The following BABAM2 variants were observed in gnomAD, a reference collection of about 807,000 sequenced individuals.
BABAM2 encodes the protein BRISC and BRCA1 A complex member 2.
A neutral mutation model predicts 54.7 loss-of-function variants in BABAM2; 31 were observed. The observed-to-expected ratio is 0.57, with a 90% CI of 0.43 to 0.77. The LOEUF is 0.77. Among genes scored for constraint, BABAM2 ranks in the 30% least tolerant of loss-of-function variants. The pLI, the probability that BABAM2 is intolerant of heterozygous loss-of-function variation, is 0.00. For missense variants in BABAM2, 364 were observed against 455.8 expected (o/e 0.80, Z 1.83); for synonymous variants, 167 against 162.9 (o/e 1.03, Z -0.19).
In BABAM2 at chr2:27,942,039, T is replaced by C. The variant is rs1373709561; in HGVS notation, c.205+12131T>C. On this transcript the variant is annotated intron_variant, in intron 3 of 11. Transcript: ENST00000379624. Reference sequence around the variant, plus strand: ...GTGCTTTGGCTGCTGCTTTTGTGTGTGTGTGTGCTTGTGTGTGTTTTAACA... The same window carrying C: ...GTGCTTTGGCTGCTGCTTTTGTGTGCGTGTGTGCTTGTGTGTGTTTTAACA... Among the ~76,000 whole-genome samples, 8 of 152,216 alleles carry C rather than the reference T, an allele frequency of 5.3e-5. No homozygotes were observed. The East Asian group carries it at 1.5e-3, about 29-fold the overall frequency.
chr2:28,260,411 C>T (rs1444831575), intron 10 of BABAM2, among the ~76,000 whole-genome samples: 1 of 146,258 alleles, frequency 6.8e-6, no homozygotes, highest in Non-Finnish European at 1.5e-5. Context: ...AGGTGATTCT[C>T]CTGCGTTAGC....
At chr2:28,171,386 G>T (rs1354925808) in intron 7 of BABAM2, among the ~76,000 whole-genome samples, 1 of 152,152 alleles carries the variant, frequency 6.6e-6, no homozygotes, top group Non-Finnish European at 1.5e-5. Flanking sequence ...GTTTTGGAAT[G>T]ATCTACTTTC....
At chr2:27,988,478 G>T (rs1340320259) in intron 4 of BABAM2, among the ~76,000 whole-genome samples, 1 of 152,078 alleles carries the variant, frequency 6.6e-6, no homozygotes, top group Non-Finnish European at 1.5e-5. Flanking sequence ...TCTTCAAGGA[G>T]CCGTTTTTAT....
At chr2:28,084,409 A>G (rs1665458634) in intron 6 of BABAM2, among the ~76,000 whole-genome samples, 1 of 152,208 alleles carries the variant, frequency 6.6e-6, no homozygotes, top group Non-Finnish European at 1.5e-5. Context: ...CAGTTATTAT[A>G]GAAGTGTATA....
chr2:28,109,184 CTTT>C (rs764380110), intron 6 of BABAM2, among the ~76,000 whole-genome samples: 14 of 101,904 alleles, frequency 1.4e-4, no homozygotes, highest in African/African-American at 4.4e-4. Context: ...GACACATACT[CTTT>C]TTTTTTTTTT....
intron 11 of BABAM2, among the ~76,000 whole-genome samples, chr2:28,332,763 G>A (rs1184602095): frequency 3.3e-5 from 5 of 152,218 alleles, no homozygotes; most frequent in Non-Finnish European, 2.9e-5. Flanking sequence ...AGGTTTGGGG[G>A]CAGAAGACAC....
At chr2:28,188,435 G>C (rs1240387263) in intron 7 of BABAM2, among the ~76,000 whole-genome samples, 2 of 152,162 alleles carry the variant, frequency 1.3e-5, no homozygotes, top group African/African-American at 4.8e-5. Context: ...TACTGAGAAG[G>C]GGATAGGGTC....
chr2:28,258,076 C>G (rs1684119615), intron 10 of BABAM2, among the ~76,000 whole-genome samples: 1 of 152,080 alleles, frequency 6.6e-6, no homozygotes, highest in Non-Finnish European at 1.5e-5. Flanking sequence ...ACTTGGGAGG[C>G]TGAGGCAGGA....
Position 28,325,732 on chromosome 2 carries a change from A to G in BABAM2, c.1089-12718A>G, listed in dbSNP as rs1690390806. ...CCCTCCCCCACATCCTCAAACACCC[A>G]GCCAGGGGGGTGAATGTCCCAGAGT... On this transcript the variant is annotated intron_variant, in intron 11 of 11. Transcript: ENST00000379624. This position sits in a 1 kb window ranked among gnomAD's most constrained non-coding sequence, Gnocchi z 4.3. Among the ~76,000 whole-genome samples, 1 of 152,202 alleles carries G rather than the reference A, an allele frequency of 6.6e-6. No homozygotes were observed. The highest frequency in any genetic ancestry group is 1.5e-5 in the Non-Finnish European group (1 of 68,030).
chr2:27,929,941 T>C, intron 3 of BABAM2, 33 bp downstream of exon 3: 1 of 1,570,294 alleles, frequency 6.4e-7, no homozygotes, highest in South Asian at 1.1e-5. Context: ...ACTCAAAATG[T>C]AGGTTACAGT....
chr2:28,328,931 G>A (rs1219742680), intron 11 of BABAM2, among the ~76,000 whole-genome samples: 2 of 152,146 alleles, frequency 1.3e-5, no homozygotes, highest in Non-Finnish European at 2.9e-5. Context: ...TATTGATTCA[G>A]TTTGTCAGAC....
chr2:28,215,425 T>C (rs1034398364), intron 7 of BABAM2, among the ~76,000 whole-genome samples: 36 of 152,342 alleles, frequency 2.4e-4, no homozygotes, highest in Non-Finnish European at 2.8e-4. Flanking sequence ...TTAGCTGTTG[T>C]TGATGCAGCA....
At chr2:28,287,129 A>G (rs1191097130) in intron 10 of BABAM2, among the ~76,000 whole-genome samples, 1 of 152,192 alleles carries the variant, frequency 6.6e-6, no homozygotes. Flanking sequence ...TTTTTCTTCT[A>G]ATCATTTACA....
In BABAM2 at chr2:28,304,724, C is replaced by T. The variant is rs1034310508; in HGVS notation, c.1088+6233C>T. Among the ~76,000 whole-genome samples, 3 of 152,050 alleles carry T rather than the reference C, an allele frequency of 2.0e-5. No homozygotes were observed. Among genetic ancestry groups the T allele is most frequent in the Non-Finnish European group, 2.9e-5 (2 of 68,008 alleles). On this transcript the variant is annotated intron_variant, in intron 11 of 11. Coordinates refer to ENST00000379624, the MANE Select transcript of BABAM2 (RefSeq NM_199191.3). The surrounding 1 kb of genome is among the most constrained non-coding windows in gnomAD (Gnocchi z 4.0). The stretch of plus-strand genomic sequence containing the variant: ...TTAAGTAGCTGGGACTACAGGCACA[C>T]GCTGCCACGCCAGGCTAATTTTTTG...
chr2:28,273,485 G>A (rs891847914), intron 10 of BABAM2, among the ~76,000 whole-genome samples: 2 of 152,218 alleles, frequency 1.3e-5, no homozygotes, highest in Admixed American at 6.5e-5. Flanking sequence ...TTGGGAGGCC[G>A]AGGTGGGAGG....
intron 4 of BABAM2, among the ~76,000 whole-genome samples, chr2:28,004,033 A>G (rs902139349): frequency 1.3e-5 from 2 of 151,934 alleles, no homozygotes; most frequent in African/African-American, 4.8e-5. Context: ...GCTCTGCTGT[A>G]CTTGGGTTAT....
chr2:27,990,861 A>C (rs1045058204), intron 4 of BABAM2, among the ~76,000 whole-genome samples: 2 of 152,050 alleles, frequency 1.3e-5, no homozygotes, highest in African/African-American at 4.8e-5. Context: ...TTCTGGGGAA[A>C]AAAAAAGGAT....
intron 10 of BABAM2, among the ~76,000 whole-genome samples, chr2:28,282,866 G>A (rs1573994011): frequency 6.6e-6 from 1 of 151,736 alleles, no homozygotes; most frequent in Admixed American, 6.6e-5. Flanking sequence ...GGGCATGGTG[G>A]TGGGCACCTG....
At chr2:28,029,449 A>G (rs957773442) in intron 5 of BABAM2, among the ~76,000 whole-genome samples, 6 of 152,148 alleles carry the variant, frequency 3.9e-5, no homozygotes, top group African/African-American at 1.4e-4. Flanking sequence ...GTAGAATTGT[A>G]TAGTATTTGT....
Sources: allele counts gnomAD v4.1 joint callset (sites outside exome capture counted in the v4.1 genomes callset), GRCh38; gene constraint gnomAD v4.1.1; non-coding constraint Gnocchi (gnomAD v3.1); transcripts MANE v1.5; gene names NCBI Gene and HGNC (gene_info 2026-07-23, HGNC 2026-07-21).